CREG1: variants seen among roughly 807,000 people sequenced by gnomAD.
The protein encoded by CREG1 is cellular repressor of E1A stimulated genes 1, also known as protein CREG1.
Under a neutral mutation model 19.9 loss-of-function variants are expected in CREG1, and 20 were observed. The ratio of observed to expected loss-of-function variants is 1.01; its 90% confidence interval spans 0.71 to 1.46. CREG1 has a LOEUF of 1.46. Ranked by LOEUF, CREG1 falls within the 40% of genes most tolerant of loss-of-function variation. The probability of loss-of-function intolerance (pLI) is 0.00; values close to 1 mark genes in which losing one functional copy is unlikely to be tolerated. For synonymous variants in CREG1, 141 were observed against 143.3 expected (o/e 0.98, Z 0.12); for missense variants, 290 against 314.9 (o/e 0.92, Z 0.60).
chr1:167,547,961 T>G, intron 2 of CREG1, 41 bp downstream of exon 2: 2 of 1,578,460 alleles, frequency 1.3e-6, no homozygotes, highest in Non-Finnish European at 1.7e-6. Flanking sequence ...AATACGATGG[T>G]GTTCTGAAAC....
At chr1:167,552,950 G>A (rs1011392466) in intron 1 of CREG1, among the ~76,000 whole-genome samples, 2 of 151,906 alleles carry the variant, frequency 1.3e-5, no homozygotes, top group Non-Finnish European at 2.9e-5. Flanking sequence ...GGTAGGCTGA[G>A]GCACGAGAAT....
intron 3 of CREG1, among the ~76,000 whole-genome samples, chr1:167,543,913 G>A (rs1656271625): frequency 1.3e-5 from 2 of 152,228 alleles, no homozygotes; most frequent in South Asian, 4.1e-4. Context: ...TATTCAGTGT[G>A]GAGACTTATG....
intron 3 of CREG1, among the ~76,000 whole-genome samples, chr1:167,543,422 G>C (rs1010700743): frequency 6.6e-6 from 1 of 152,206 alleles, no homozygotes; most frequent in Middle Eastern, 3.2e-3. Context: ...GTCTCCATCT[G>C]TGTGAAACAG....
chr1:167,550,358 G>A (rs1375025925), intron 1 of CREG1, among the ~76,000 whole-genome samples: 1 of 152,200 alleles, frequency 6.6e-6, no homozygotes, highest in East Asian at 1.9e-4. Flanking sequence ...ATTGTTAAAG[G>A]TTTCTGGCCA....
intron 1 of CREG1, among the ~76,000 whole-genome samples, chr1:167,548,381 G>C (rs773681782): frequency 7.9e-5 from 12 of 152,206 alleles, no homozygotes; most frequent in Admixed American, 2.0e-4. Flanking sequence ...CTGAAACCCT[G>C]AATTTATTCC....
intron 1 of CREG1, among the ~76,000 whole-genome samples, chr1:167,551,729 A>G (rs1324105380): frequency 6.6e-6 from 1 of 152,244 alleles, no homozygotes; most frequent in Non-Finnish European, 1.5e-5. Flanking sequence ...TTTCAATAAA[A>G]TACCTTGGCA....
rs767702591 is a variant in CREG1 at position 167,549,846 on chromosome 1, G to T, written c.355-1725C>A. On this transcript the variant is annotated intron_variant, in intron 1 of 3. Transcript: ENST00000370509. ...ACTATAGATGTGCATCACCACACCC[G>T]GCTAATATTTTTTTATTTTTTGTAG... 8.6e-5 allele frequency among the ~76,000 whole-genome samples: 13 copies of T among 151,896 alleles called. 1 individual carries two copies. Among genetic ancestry groups the T allele is most frequent in the Middle Eastern group, 3.4e-3 (1 of 292 alleles).
rs1454697824 is a variant in CREG1 at position 167,546,154 on chromosome 1, G to A, written c.606C>T (p.Tyr202=). 6.2e-7 allele frequency: 1 copy of A among 1,611,854 alleles called. No individual in the cohort carries two copies. The highest frequency in any genetic ancestry group is 8.5e-7 in the Non-Finnish European group (1 of 1,179,442). Residue 202 remains tyrosine, a synonymous_variant, in exon 3 of 4, where the codon TAC becomes TAT. Coordinates refer to ENST00000370509, the MANE Select transcript of CREG1 (RefSeq NM_003851.3). Reference sequence around the variant, plus strand: ...GTGTCACGATTTTTGGTCCACCAAAGTAGTCCAGGACCCAGATATTGGTTA... The same window carrying A: ...GTGTCACGATTTTTGGTCCACCAAAATAGTCCAGGACCCAGATATTGGTTA... ...LNITNIWVLD[Y]FGGPKIVTPE...
chr1:167,547,088 A>G (rs543663180), intron 2 of CREG1, among the ~76,000 whole-genome samples: 1 of 152,362 alleles, frequency 6.6e-6, no homozygotes, highest in South Asian at 2.1e-4. Flanking sequence ...CAAAGAATTT[A>G]CAGACCATAA....
intron 1 of CREG1, among the ~76,000 whole-genome samples, chr1:167,552,332 T>C (rs1467106757): frequency 1.3e-5 from 2 of 152,210 alleles, no homozygotes; most frequent in Non-Finnish European, 2.9e-5. Context: ...TTATCAACAA[T>C]GTTGTACTTT....
Position 167,548,131 on chromosome 1 carries a change from G to T in CREG1, c.355-10C>A, listed in dbSNP as rs142047332. ...TAGCATATGGATTCTCCTATAGAGAGAAAATGAAGATCCTCTCATGTGAAA... is the reference window on the plus strand; with the variant it reads ...TAGCATATGGATTCTCCTATAGAGATAAAATGAAGATCCTCTCATGTGAAA... On this transcript the variant is annotated splice_polypyrimidine_tract_variant and intron_variant, in intron 1 of 3. Coordinates refer to ENST00000370509, the MANE Select transcript of CREG1 (RefSeq NM_003851.3). The T allele has an allele frequency of 2.5e-6, 4 of 1,578,478 alleles. No homozygotes were observed. The highest frequency in any genetic ancestry group is 1.7e-4 in the Middle Eastern group (1 of 5,928).
intron 2 of CREG1, among the ~76,000 whole-genome samples, chr1:167,547,658 C>T (rs558400120): frequency 5.9e-5 from 9 of 152,280 alleles, no homozygotes; most frequent in East Asian, 5.8e-4. Flanking sequence ...TAGTGGCTCA[C>T]GCCTGTAATC....
At chr1:167,549,565 A>C (rs1261048653) in intron 1 of CREG1, among the ~76,000 whole-genome samples, 1 of 152,050 alleles carries the variant, frequency 6.6e-6, no homozygotes, top group Non-Finnish European at 1.5e-5. Context: ...TTGTATTTTT[A>C]GTAGAGACTG....
intron 3 of CREG1, among the ~76,000 whole-genome samples, chr1:167,543,246 C>A (rs1364625914): frequency 3.5e-5 from 5 of 142,082 alleles, no homozygotes; most frequent in Admixed American, 7.0e-5. Flanking sequence ...GACTCCATCT[C>A]AAAAAAAAAA....
At chr1:167,542,761 T>A (rs1656248290) in intron 3 of CREG1, among the ~76,000 whole-genome samples, 3 of 152,184 alleles carry the variant, frequency 2.0e-5, no homozygotes. Flanking sequence ...CTTTCCCCCT[T>A]TCTGCTGCCA....
At chr1:167,546,666 C>G (rs938937152) in intron 2 of CREG1, among the ~76,000 whole-genome samples, 2 of 152,104 alleles carry the variant, frequency 1.3e-5, no homozygotes, top group Non-Finnish European at 2.9e-5. Flanking sequence ...ATGTGTGACT[C>G]TAGCATTCTA....
In CREG1 at chr1:167,546,195, A is replaced by G; in HGVS notation, c.565T>C (p.Phe189Leu). The change falls in exon 3 of 4, where the codon TTT becomes CTT. Residue 189 changes from phenylalanine (F) to leucine (L), a missense_variant. Transcript: ENST00000370509. ...ATATTGGTTATATTCAACTTAGCAA[A>G]GAACCAATTATGGCTGGAAGGCCAG... ...KTWPSSHNWF[F>L]AKLNITNIWV... The G allele has an allele frequency of 6.2e-7, 1 of 1,613,736 alleles. No individual in the cohort carries two copies. The highest frequency in any genetic ancestry group is 8.5e-7 in the Non-Finnish European group (1 of 1,179,916).
rs773681782 is a variant in CREG1, at chr1:167,548,381, G to A, written c.355-260C>T. On this transcript the variant is annotated intron_variant, in intron 1 of 3. Transcript: ENST00000370509. The stretch of plus-strand genomic sequence containing the variant: ...TTCAATATTCTTTTTCTGAAACCCT[G>A]AATTTATTCCATATTCATCAGAAGA... Among the ~76,000 whole-genome samples, 9 of 152,206 alleles carry A rather than the reference G, an allele frequency of 5.9e-5. No individual in the cohort carries two copies. The East Asian group carries it at 1.7e-3, about 29-fold the overall frequency.
chr1:167,553,490 G>A lies in CREG1; in HGVS notation c.252C>T (p.Pro84=). The A allele has an allele frequency of 1.3e-6, 2 of 1,489,986 alleles. No individual in the cohort carries two copies. Among genetic ancestry groups the A allele is most frequent in the Non-Finnish European group, 1.8e-6 (2 of 1,127,602 alleles). The allele number at this position is 1,489,986 out of a possible 1,614,324, so 92.3% of individuals were successfully genotyped here. A position where few individuals can be genotyped will look rare whatever the true frequency, so the allele number is the denominator to read the frequency against. Residue 84 remains proline, a synonymous_variant, in exon 1 of 4, where the codon CCC becomes CCT. Coordinates refer to ENST00000370509, the MANE Select transcript of CREG1 (RefSeq NM_003851.3). ...CGCTGAGCGAGAGGACGTCGGCGAA[G>A]GGCCGGCCGCGCACCGCCTCCAGCG... The part of the protein sequence containing the change: ...ISTLEAVRGR[P]FADVLSLSDG...
Sources: gnomAD v4.1 joint callset for allele counts (sites outside exome capture counted in the v4.1 genomes callset) on GRCh38, gnomAD v4.1.1 for gene constraint, MANE v1.5 for transcripts, NCBI Gene and HGNC (gene_info 2026-07-23, HGNC 2026-07-21) for gene names.